PCDHGC5: variants seen among roughly 807,000 people sequenced by gnomAD.
The protein encoded by PCDHGC5 is protocadherin gamma-C5.
PCDHGC5 carries 25 observed loss-of-function variants against 59.0 expected under a neutral mutation model. That is an observed-to-expected ratio of 0.42 (90% CI 0.31 to 0.59). The LOEUF is 0.59. Ranked by LOEUF, PCDHGC5 falls within the 20% of genes least tolerant of loss-of-function variation. The probability of loss-of-function intolerance (pLI) is 0.13; values close to 1 mark genes in which losing one functional copy is unlikely to be tolerated. For synonymous variants in PCDHGC5, 434 were observed against 505.5 expected, an observed-to-expected ratio of 0.86 and a Z score of 1.90; for missense variants, 1,067 against 1,206.4, an observed-to-expected ratio of 0.88 and a Z score of 1.71.
chr5:141,505,041 C>T (rs1028101225), intron 2 of PCDHGC5, among the ~76,000 whole-genome samples: 4 of 152,142 alleles, frequency 2.6e-5, no homozygotes, highest in African/African-American at 9.7e-5. Flanking sequence ...AGGTGCCTGT[C>T]ATCCCAGCTA....
At position 141,489,910 on chromosome 5, in the gene PCDHGC5, G is replaced by T; in HGVS notation, c.670G>T (p.Gly224Trp). The part of the protein sequence containing the change: ...AVDGGTPARS[G>W]TTLISVIVLD... ...GGATGGGGGGACCCCAGCCCGCTCA[G>T]GGACCACCCTTATCTCTGTCATCGT... Residue 224 changes from glycine to tryptophan, a missense_variant, in exon 1 of 4, where the codon GGG (glycine) becomes TGG (tryptophan). By Grantham distance (184) the Gly-to-Trp change is radical. Transcript: ENST00000252087. This position sits in a 1 kb window ranked among gnomAD's most constrained non-coding sequence, Gnocchi z 4.5. 1 of 1,614,226 alleles carries T rather than the reference G, an allele frequency of 6.2e-7. No homozygotes were observed. The highest frequency in any genetic ancestry group is 8.5e-7 in the Non-Finnish European group (1 of 1,180,030).
chr5:141,504,158 T>G (rs890874880), intron 2 of PCDHGC5, among the ~76,000 whole-genome samples: 1 of 152,222 alleles, frequency 6.6e-6, no homozygotes, highest in Non-Finnish European at 1.5e-5. Context: ...TGAAATAATT[T>G]CATCCTTGGA....
rs772328241 is a variant in PCDHGC5 at position 141,491,340 on chromosome 5, C to A, written c.2100C>A (p.Thr700=). The change falls in exon 1 of 4, where the codon ACC becomes ACA. Residue 700 remains threonine, a synonymous_variant. Coordinates refer to ENST00000252087, the MANE Select transcript of PCDHGC5 (RefSeq NM_018929.3). The surrounding 1 kb of genome is among the most constrained non-coding windows in gnomAD (Gnocchi z 6.9). ...LTLYLIVALA[T]VSLLSLVTFT... ...TTTACCTCATTGTGGCTCTAGCGACCGTCAGTCTCTTATCCCTAGTCACCT... is the reference window on the plus strand; with the variant it reads ...TTTACCTCATTGTGGCTCTAGCGACAGTCAGTCTCTTATCCCTAGTCACCT... 4.3e-6 allele frequency: 7 copies of A among 1,614,146 alleles called. No homozygotes were observed. Among genetic ancestry groups the A allele is most frequent in the Non-Finnish European group, 5.9e-6 (7 of 1,180,014 alleles).
At position 141,491,753 on chromosome 5, in the gene PCDHGC5, C is replaced by T. The variant is rs373728953; in HGVS notation, c.2460+53C>T. On this transcript the variant is annotated intron_variant, in intron 1 of 3. Coordinates refer to ENST00000252087, the MANE Select transcript of PCDHGC5 (RefSeq NM_018929.3). The surrounding 1 kb of genome is among the most constrained non-coding windows in gnomAD (Gnocchi z 6.9). ...ACCCCTGGGGGCGGCACTGGAGAAGCCGCCCGTCCTCATAAGGGATTGAAC... is the reference window on the plus strand; with the variant it reads ...ACCCCTGGGGGCGGCACTGGAGAAGTCGCCCGTCCTCATAAGGGATTGAAC... 4 of 1,585,146 alleles carry T rather than the reference C, an allele frequency of 2.5e-6. No homozygotes were observed. Among genetic ancestry groups the T allele is most frequent in the East Asian group, 2.3e-5 (1 of 43,412 alleles).
rs2099748032 is a variant in PCDHGC5 at position 141,493,397 on chromosome 5, G to A, written c.2461-1410G>A. ...TTAAAAGCTTGAGGACAGGAGAGGG[G>A]AGTTGCCTCTGCTGGGATTTTGCTT... On this transcript the variant is annotated intron_variant, in intron 1 of 3. Coordinates refer to ENST00000252087, the MANE Select transcript of PCDHGC5 (RefSeq NM_018929.3). This position sits in a 1 kb window ranked among gnomAD's most constrained non-coding sequence, Gnocchi z 4.3. Among the ~76,000 whole-genome samples the A allele has an allele frequency of 6.6e-6, 1 of 152,176 alleles. No individual in the cohort carries two copies. Among genetic ancestry groups the A allele is most frequent in the Non-Finnish European group, 1.5e-5 (1 of 68,040 alleles).
chr5:141,489,427 C>G lies in PCDHGC5; in HGVS notation c.187C>G (p.Arg63Gly), dbSNP rs370540900. ...AAAGATGACAGATCTGTTGAGCCGG[C>G]GGCTGCAATTGGGCTCTGAGGAGAA... ...GLKMTDLLSRRLQLGSEENGR... is the reference protein window; with the variant it reads ...GLKMTDLLSRGLQLGSEENGR... Residue 63 changes from arginine (R) to glycine (G), a missense_variant, in exon 1 of 4, where the codon CGG (arginine) becomes GGG (glycine). Transcript: ENST00000252087. The surrounding 1 kb of genome is among the most constrained non-coding windows in gnomAD (Gnocchi z 4.5). 6.2e-7 allele frequency: 1 copy of G among 1,614,108 alleles called. No homozygotes were observed. Among genetic ancestry groups the G allele is most frequent in the South Asian group, 1.1e-5 (1 of 91,086 alleles).
intron 2 of PCDHGC5, among the ~76,000 whole-genome samples, chr5:141,500,779 T>C (rs1222392685): frequency 1.3e-5 from 2 of 152,238 alleles, no homozygotes; most frequent in Non-Finnish European, 2.9e-5. Context: ...TGAATATACA[T>C]ATTATTTTAC....
At chr5:141,507,106 A>T (rs1205648425) in intron 3 of PCDHGC5, 1 of 152,118 alleles carries the variant, frequency 6.6e-6, no homozygotes, top group African/African-American at 2.4e-5. Context: ...TACTATAGGG[A>T]CCATGGCTGC....
At chr5:141,508,151 C>T (rs1306467936) in intron 3 of PCDHGC5, 1 of 152,548 alleles carries the variant, frequency 6.6e-6, no homozygotes, top group Admixed American at 6.5e-5. Flanking sequence ...GGCTGAGTTT[C>T]CCTGAGTAGA....
At chr5:141,505,352 C>CG in intron 2 of PCDHGC5, 41 bp from the exon 3 acceptor site, 1 of 1,613,302 alleles carries the variant, frequency 6.2e-7, no homozygotes, top group East Asian at 2.2e-5. Context: ...TGAGCTGTGC[C>CG]GGCCTGGGAG....
intron 3 of PCDHGC5, among the ~76,000 whole-genome samples, chr5:141,507,714 C>T (rs1425955843): frequency 6.6e-6 from 1 of 152,280 alleles, no homozygotes; most frequent in Non-Finnish European, 1.5e-5. Flanking sequence ...GCCCCAAACC[C>T]TCCAAGCAAG....
rs778744503 is a variant in PCDHGC5, at chr5:141,511,152, G to C, written c.2814G>C (p.Ser938=). 2 of 1,614,140 alleles carry C rather than the reference G, an allele frequency of 1.2e-6. No individual in the cohort carries two copies. Among genetic ancestry groups the C allele is most frequent in the South Asian group, 2.2e-5 (2 of 91,086 alleles). The change falls in exon 4 of 4, where the codon TCG becomes TCC. Residue 938 remains serine, a synonymous_variant. Coordinates refer to ENST00000252087, the MANE Select transcript of PCDHGC5 (RefSeq NM_018929.3). ...PAGGNGNKKK[S]GKKEKK ...GTGGCAATGGCAACAAGAAGAAGTC[G>C]GGCAAGAAGGAGAAGAAGTAACATG...
rs1338955892 is a variant in PCDHGC5, at chr5:141,502,521, T to C, written c.2520-2872T>C. 5.9e-5 allele frequency among the ~76,000 whole-genome samples: 9 copies of C among 152,338 alleles called. No homozygotes were observed. In the East Asian group the frequency reaches 1.7e-3, roughly 29 times the overall value. The stretch of plus-strand genomic sequence containing the variant: ...CGTCGGCCTGTCCCACTATCAGTGA[T>C]GCCGAGTTTGTTCGTGTGGTAAAAA... On this transcript the variant is annotated intron_variant, in intron 2 of 3. Transcript: ENST00000252087.
Position 141,511,176 on chromosome 5 carries a change from T to C in PCDHGC5, c.*3T>C, listed in dbSNP as rs375508988. On this transcript the variant is annotated 3_prime_UTR_variant, in exon 4 of 4. Transcript: ENST00000252087. ...CGGGCAAGAAGGAGAAGAAGTAACA[T>C]GGAGGCCAGGCCAAGAGCCACAGGG... 198 of 1,614,046 alleles carry C rather than the reference T, an allele frequency of 1.2e-4. 1 individual carries two copies. The highest frequency in any genetic ancestry group is 6.5e-5 in the Non-Finnish European group (77 of 1,179,964).
chr5:141,494,740 T>C, intron 1 of PCDHGC5, 67 bp from the exon 2 acceptor site: 1 of 1,612,194 alleles, frequency 6.2e-7, no homozygotes, highest in Non-Finnish European at 8.5e-7. Context: ...GGCCCATCCC[T>C]AGGGGCTCGG....
At chr5:141,508,029 A>C (rs941166006) in intron 3 of PCDHGC5, 10 of 152,264 alleles carry the variant, frequency 6.6e-5, no homozygotes, top group African/African-American at 2.4e-4. Flanking sequence ...TGCGGTTTGC[A>C]GCTCAGCCAG....
chr5:141,511,711 T>G lies in PCDHGC5; in HGVS notation c.*538T>G. 1 of 185,916 alleles carries G rather than the reference T, an allele frequency of 5.4e-6. No individual in the cohort carries two copies. Among genetic ancestry groups the G allele is most frequent in the South Asian group, 1.1e-4 (1 of 8,818 alleles). The allele number at this position is 185,916 out of a possible 1,614,324, so 11.5% of individuals were successfully genotyped here. A position where few individuals can be genotyped will look rare whatever the true frequency, so the allele number is the denominator to read the frequency against. Reference sequence around the variant, plus strand: ...GTTTGGTGCCAGCCCCTTCACCTCCTTCCAGAGCCCAAGATCAATGCTCAA... The same window carrying G: ...GTTTGGTGCCAGCCCCTTCACCTCCGTCCAGAGCCCAAGATCAATGCTCAA... On this transcript the variant is annotated 3_prime_UTR_variant, in exon 4 of 4. Transcript: ENST00000252087.
chr5:141,494,773 G>C, intron 1 of PCDHGC5, 34 bp from the exon 2 acceptor site: 1 of 1,613,966 alleles, frequency 6.2e-7, no homozygotes, highest in Non-Finnish European at 8.5e-7. Context: ...CTTCTCACGG[G>C]TACTCAGCCC....
intron 2 of PCDHGC5, among the ~76,000 whole-genome samples, 177 bp from the exon 3 acceptor site, chr5:141,505,216 T>C (rs547855353): frequency 1.1e-4 from 17 of 152,234 alleles, no homozygotes; most frequent in Non-Finnish European, 2.9e-5. Context: ...AGGGACTGAC[T>C]TGTGGGATTC....
Sources: gnomAD v4.1 joint callset for allele counts (sites outside exome capture counted in the v4.1 genomes callset) on GRCh38, gnomAD v4.1.1 for gene constraint, Gnocchi (gnomAD v3.1) non-coding constraint, MANE v1.5 for transcripts, NCBI Gene and HGNC (gene_info 2026-07-23, HGNC 2026-07-21) for gene names.